Variants in HERPUD2 observed in about 807,000 individuals in gnomAD.
HERPUD2 encodes the protein homocysteine-responsive endoplasmic reticulum-resident ubiquitin-like domain member 2 protein.
Under a neutral mutation model 49.9 loss-of-function variants are expected in HERPUD2, and 13 were observed. The observed-to-expected ratio is 0.26, with a 90% confidence interval of 0.17 to 0.41. The LOEUF (loss-of-function observed/expected upper bound fraction) is 0.41, where lower values mean the gene tolerates loss of function less well. Ranked by LOEUF, HERPUD2 falls within the 10% of genes least tolerant of loss-of-function variation. The pLI, the probability that HERPUD2 is intolerant of heterozygous loss-of-function variation, is 1.00. For missense variants in HERPUD2, 449 were observed against 492.2 expected, an observed-to-expected ratio of 0.91 and a Z score of 0.83; for synonymous variants, 172 against 171.4, an observed-to-expected ratio of 1.00 and a Z score of -0.03.
intron 6 of HERPUD2, 84 bp from the exon 7 acceptor site, chr7:35,635,542 T>G: frequency 8.6e-7 from 1 of 1,159,418 alleles, no homozygotes; most frequent in Non-Finnish European, 1.2e-6. Flanking sequence ...GGGAGCTATA[T>G]GTATTTTTCA....
intron 2 of HERPUD2, 37 bp from the exon 3 acceptor site, chr7:35,673,315 T>C (rs376503739): frequency 3.3e-6 from 5 of 1,510,440 alleles, no homozygotes; most frequent in African/African-American, 1.4e-5. Context: ...TCAACTTTTC[T>C]AATTATGCAA....
intron 6 of HERPUD2, among the ~76,000 whole-genome samples, chr7:35,635,736 C>T (rs1186002110): frequency 1.3e-5 from 2 of 152,124 alleles, no homozygotes; most frequent in East Asian, 3.8e-4. Context: ...AACCACTCCT[C>T]TCTCTTTCAA....
At chr7:35,645,445 T>C (rs1785036820) in intron 5 of HERPUD2, among the ~76,000 whole-genome samples, 1 of 151,982 alleles carries the variant, frequency 6.6e-6, no homozygotes, top group African/African-American at 2.4e-5. Flanking sequence ...CTAAAAAATA[T>C]ATATTATATA....
chr7:35,658,154 G>A (rs1290550487), intron 5 of HERPUD2, among the ~76,000 whole-genome samples: 2 of 152,190 alleles, frequency 1.3e-5, no homozygotes, highest in East Asian at 1.9e-4. Context: ...CCGTAAAAGA[G>A]GATGAAATCC....
At position 35,676,111 on chromosome 7, in the gene HERPUD2, T is replaced by A. The variant is rs115292242; in HGVS notation, c.148-2833A>T. On this transcript the variant is annotated intron_variant, in intron 2 of 8. Coordinates refer to ENST00000311350, the MANE Select transcript of HERPUD2 (RefSeq NM_022373.5). ...CCCAAAAATGCTTTTTAAAGATGAT[T>A]TGAATCAGAATCCAAATAAGGTTCA... Among the ~76,000 whole-genome samples the A allele has an allele frequency of 4.9e-3, 749 of 152,328 alleles. 6 individuals are homozygous for A. Among genetic ancestry groups the A allele is most frequent in the African/African-American group, 0.015 (642 of 41,562 alleles).
intron 2 of HERPUD2, among the ~76,000 whole-genome samples, chr7:35,674,769 C>G (rs2115986637): frequency 6.7e-6 from 1 of 149,620 alleles, no homozygotes; most frequent in East Asian, 2.0e-4. Flanking sequence ...TTCCATAAAA[C>G]CCAAAAGGAC....
At position 35,640,330 on chromosome 7, in the gene HERPUD2, G is replaced by C. The variant is rs3823769; in HGVS notation, c.495-1858C>G. ...CTCCACCAATCTCTATCATTAATAA[G>C]AATGTCAAACAAGTCTGTTACTTCA... On this transcript the variant is annotated intron_variant, in intron 5 of 8. Coordinates refer to ENST00000311350, the MANE Select transcript of HERPUD2 (RefSeq NM_022373.5). Among the ~76,000 whole-genome samples the C allele has an allele frequency of 2.2e-4, 34 of 152,220 alleles. 1 individual carries two copies. In the East Asian group the frequency reaches 6.5e-3, roughly 29 times the overall value.
In HERPUD2 at chr7:35,632,756, AC is replaced by A. The variant is rs1325603658; in HGVS notation, c.*933del. On this transcript the variant is annotated 3_prime_UTR_variant, in exon 9 of 9. Transcript: ENST00000311350. ...CTGCCTATATCAAACATTTTATATC[AC>A]GTTAATTCCATTGAAGAGCTGCCTT... 2 of 152,518 alleles carry A rather than the reference AC, an allele frequency of 1.3e-5. No homozygotes were observed. The highest frequency in any genetic ancestry group is 2.9e-5 in the Non-Finnish European group (2 of 68,018). 9.4% of individuals were successfully genotyped at this position (152,518 alleles called of 1,614,324 possible). A position where few individuals can be genotyped will look rare whatever the true frequency, so the allele number is the denominator to read the frequency against.
chr7:35,650,622 T>C (rs932888838), intron 5 of HERPUD2, among the ~76,000 whole-genome samples: 5 of 152,134 alleles, frequency 3.3e-5, no homozygotes, highest in African/African-American at 1.2e-4. Context: ...AACTGATGTA[T>C]CTTGGGCCAC....
At chr7:35,642,722 G>A (rs1583539508) in intron 5 of HERPUD2, among the ~76,000 whole-genome samples, 2 of 152,114 alleles carry the variant, frequency 1.3e-5, no homozygotes, top group African/African-American at 2.4e-5. Flanking sequence ...ACCAAATACC[G>A]CATGTTCTCA....
intron 5 of HERPUD2, among the ~76,000 whole-genome samples, chr7:35,655,107 C>T (rs764277491): frequency 1.6e-4 from 25 of 152,154 alleles, no homozygotes; most frequent in Non-Finnish European, 2.9e-4. Context: ...CCCACCTCAG[C>T]CTCCCAATGT....
At chr7:35,687,148 ACAATAAAAGTT>A (rs2116044804) in intron 2 of HERPUD2, among the ~76,000 whole-genome samples, 1 of 152,312 alleles carries the variant, frequency 6.6e-6, no homozygotes, top group South Asian at 2.1e-4. Flanking sequence ...GTAGCTTAAC[ACAATAAAAGTT>A]CATTCGTTTC....
At chr7:35,664,900 C>T (rs1299830115) in intron 5 of HERPUD2, among the ~76,000 whole-genome samples, 2 of 152,180 alleles carry the variant, frequency 1.3e-5, no homozygotes, top group African/African-American at 2.4e-5. Context: ...TCTCTCGACT[C>T]GTCAAAGTCA....
At chr7:35,692,705 G>A (rs1272118958) in intron 2 of HERPUD2, among the ~76,000 whole-genome samples, 2 of 152,084 alleles carry the variant, frequency 1.3e-5, no homozygotes, top group African/African-American at 2.4e-5. Flanking sequence ...AGCTAATGCC[G>A]ATTAAGAGTT....
At chr7:35,637,168 T>A (rs201817256) in intron 6 of HERPUD2, among the ~76,000 whole-genome samples, 14,951 of 95,468 alleles carry the variant, frequency 0.16, 941 homozygotes, top group East Asian at 0.23. Context: ...GAAAGATAGA[T>A]AGATAGATAG....
intron 2 of HERPUD2, among the ~76,000 whole-genome samples, chr7:35,680,150 T>C (rs1226369257): frequency 6.6e-6 from 1 of 152,232 alleles, no homozygotes; most frequent in Non-Finnish European, 1.5e-5. Flanking sequence ...TTCATACCTG[T>C]AATCCCAGCA....
rs779913555 is a variant in HERPUD2 at position 35,634,339 on chromosome 7, A to G, written c.1032T>C (p.Asn344=). ...NNAEVNNDGQ[N]ANNLELEEME... Reference sequence around the variant, plus strand: ...TTTCTTCAAGTTCCAAGTTGTTTGCATTTTGCCCATCATTGTTAACTTCGG... The same window carrying G: ...TTTCTTCAAGTTCCAAGTTGTTTGCGTTTTGCCCATCATTGTTAACTTCGG... The change falls in exon 8 of 9, where the codon AAT becomes AAC. Residue 344 remains asparagine (N), a synonymous_variant. Coordinates refer to ENST00000311350, the MANE Select transcript of HERPUD2 (RefSeq NM_022373.5). The G allele has an allele frequency of 1.9e-6, 3 of 1,613,252 alleles. No individual in the cohort carries two copies. Among genetic ancestry groups the G allele is most frequent in the Admixed American group, 3.3e-5 (2 of 60,006 alleles).
At chr7:35,645,041 C>A (rs1315159403) in intron 5 of HERPUD2, among the ~76,000 whole-genome samples, 1 of 152,018 alleles carries the variant, frequency 6.6e-6, no homozygotes, top group Non-Finnish European at 1.5e-5. Flanking sequence ...TAAACTCTAG[C>A]CCAAGGATAA....
chr7:35,675,168 C>T (rs1464654484), intron 2 of HERPUD2, among the ~76,000 whole-genome samples: 1 of 152,172 alleles, frequency 6.6e-6, no homozygotes, highest in Non-Finnish European at 1.5e-5. Flanking sequence ...AATTAAAGGA[C>T]ATTCAGCTGA....
Sources: allele counts gnomAD v4.1 joint callset (sites outside exome capture counted in the v4.1 genomes callset), GRCh38; gene constraint gnomAD v4.1.1; transcripts MANE v1.5; gene names NCBI Gene and HGNC (gene_info 2026-07-23, HGNC 2026-07-21).